Variants in AKAP13 observed in about 807,000 individuals in gnomAD.
AKAP13 encodes A-kinase anchoring protein 13, also known as A-kinase anchor protein 13.
Under a neutral mutation model 264.5 loss-of-function variants are expected in AKAP13, and 80 were observed. The observed-to-expected ratio is 0.30, with a 90% CI of 0.25 to 0.36. The LOEUF (loss-of-function observed/expected upper bound fraction) is 0.36. Ranked by LOEUF, AKAP13 falls within the 10% of genes least tolerant of loss-of-function variation. AKAP13 has a pLI of 1.00. For missense variants in AKAP13, 3,712 were observed against 3,435.2 expected, an observed-to-expected ratio of 1.08 and a Z score of -2.01; for synonymous variants, 1,380 against 1,250.2, an observed-to-expected ratio of 1.10 and a Z score of -2.19.
chr15:85,619,331 A>G (rs527994571), intron 8 of AKAP13: 2 of 976,766 alleles, frequency 2.0e-6, no homozygotes, highest in African/African-American at 3.5e-5. Flanking sequence ...AAAAGGGAGG[A>G]GGAGGCTGGC....
At chr15:85,530,066 A>G (rs1429817219) in intron 3 of AKAP13, among the ~76,000 whole-genome samples, 1 of 152,178 alleles carries the variant, frequency 6.6e-6, no homozygotes, top group Non-Finnish European at 1.5e-5. Context: ...AGTTATACAC[A>G]GAGCTGACAG....
intron 3 of AKAP13, among the ~76,000 whole-genome samples, chr15:85,527,177 A>C (rs944495821): frequency 5.3e-5 from 8 of 152,004 alleles, no homozygotes; most frequent in Admixed American, 2.0e-4. Context: ...GTTAGCCAGG[A>C]TGGTCTTGAT....
intron 33 of AKAP13, among the ~76,000 whole-genome samples, chr15:85,739,193 G>A (rs927826018): frequency 5.3e-5 from 8 of 152,152 alleles, no homozygotes; most frequent in South Asian, 2.1e-4. Flanking sequence ...ATTATTTCCC[G>A]AGTATGCCAA....
In AKAP13 at chr15:85,717,412, A is replaced by G; in HGVS notation, c.5848+10A>G. 1.3e-6 allele frequency: 2 copies of G among 1,583,140 alleles called. No individual in the cohort carries two copies. Among genetic ancestry groups the G allele is most frequent in the Middle Eastern group, 1.7e-4 (1 of 5,984 alleles). On this transcript the variant is annotated intron_variant, in intron 21 of 36. Transcript: ENST00000394518. ...TCACTTACTGATGAGGGTAAGAGGA[A>G]GTTATGGCCTTTATTTTATGCCTCT... is the stretch of plus-strand genomic sequence containing the variant.
intron 2 of AKAP13, among the ~76,000 whole-genome samples, chr15:85,510,450 GTAA>G (rs1204395401): frequency 1.3e-5 from 2 of 152,070 alleles, no homozygotes; most frequent in African/African-American, 2.4e-5. Flanking sequence ...AATTATTGAA[GTAA>G]TAATAAAAGG....
intron 10 of AKAP13, among the ~76,000 whole-genome samples, chr15:85,646,265 A>C (rs1251997892): frequency 6.6e-6 from 1 of 152,150 alleles, no homozygotes; most frequent in Non-Finnish European, 1.5e-5. Context: ...CCTTGAGGTC[A>C]GGAGTTCGAG....
At chr15:85,670,365 G>A (rs62022915) in intron 14 of AKAP13, among the ~76,000 whole-genome samples, 24,253 of 151,320 alleles carry the variant, frequency 0.16, 2,271 homozygotes, top group Non-Finnish European at 0.22. Flanking sequence ...TATTACCATA[G>A]TATATGGGTA....
At chr15:85,545,681 C>T (rs1417874315) in intron 5 of AKAP13, among the ~76,000 whole-genome samples, 1 of 152,056 alleles carries the variant, frequency 6.6e-6, no homozygotes, top group Non-Finnish European at 1.5e-5. Context: ...AGTTCTGAGT[C>T]ATAATTAGCG....
At chr15:85,516,045 G>A (rs1215427089) in intron 2 of AKAP13, among the ~76,000 whole-genome samples, 1 of 152,156 alleles carries the variant, frequency 6.6e-6, no homozygotes, top group African/African-American at 2.4e-5. Flanking sequence ...AGCACATGGT[G>A]TATTAAAATT....
chr15:85,403,287 A>G (rs1474997807), intron 1 of AKAP13, among the ~76,000 whole-genome samples: 2 of 152,232 alleles, frequency 1.3e-5, no homozygotes, highest in African/African-American at 2.4e-5. Flanking sequence ...GTGTGGTGCT[A>G]ACTTTGATGC....
intron 8 of AKAP13, among the ~76,000 whole-genome samples, chr15:85,600,897 A>G (rs891577114): frequency 6.6e-6 from 1 of 152,196 alleles, no homozygotes. Context: ...TCTTACAATT[A>G]TTGGAACATT....
At chr15:85,684,259 C>A (rs2084772669) in intron 15 of AKAP13, among the ~76,000 whole-genome samples, 1 of 152,020 alleles carries the variant, frequency 6.6e-6, no homozygotes, top group African/African-American at 2.4e-5. Context: ...CACTGAAAAT[C>A]CATAATTAAA....
chr15:85,539,141 A>AT (rs1207135130), intron 4 of AKAP13, among the ~76,000 whole-genome samples: 1 of 151,972 alleles, frequency 6.6e-6, no homozygotes, highest in Admixed American at 6.6e-5. Context: ...GTGTTTGTGT[A>AT]TTTTTTCAGC....
At chr15:85,596,987 T>C (rs976482519) in intron 8 of AKAP13, among the ~76,000 whole-genome samples, 2 of 152,182 alleles carry the variant, frequency 1.3e-5, no homozygotes, top group Non-Finnish European at 2.9e-5. Flanking sequence ...ATTTTATTGC[T>C]TGGAATCCCC....
rs574112937 is a variant in AKAP13, at chr15:85,735,446, G to A, written c.7442-114G>A. The A allele has an allele frequency of 2.7e-5, 30 of 1,092,928 alleles. No individual in the cohort carries two copies. In the African/African-American group the frequency reaches 4.3e-4, roughly 16 times the overall value. The allele number at this position is 1,092,928 out of a possible 1,614,324, so 67.7% of individuals were successfully genotyped here. ...CCACCAAGCAGCTCCCCCTTTTTGG[G>A]GGCATCAGTAGGTTTCAGACATACT... is the stretch of plus-strand genomic sequence containing the variant. On this transcript the variant is annotated intron_variant, in intron 31 of 36. Coordinates refer to ENST00000394518, the MANE Select transcript of AKAP13 (RefSeq NM_007200.5).
intron 17 of AKAP13, among the ~76,000 whole-genome samples, chr15:85,700,657 G>A (rs984415488): frequency 2.0e-5 from 3 of 152,166 alleles, no homozygotes; most frequent in Non-Finnish European, 1.5e-5. Context: ...TTCTGAATTT[G>A]TGTATATTTA....
intron 1 of AKAP13, among the ~76,000 whole-genome samples, chr15:85,429,456 T>A (rs2072934976): frequency 6.6e-6 from 1 of 152,204 alleles, no homozygotes; most frequent in African/African-American, 2.4e-5. Flanking sequence ...TAATTTTCTG[T>A]ATTAGTTGAA....
At chr15:85,715,025 C>T (rs2086847457) in intron 19 of AKAP13, among the ~76,000 whole-genome samples, 1 of 152,144 alleles carries the variant, frequency 6.6e-6, no homozygotes, top group Admixed American at 6.5e-5. Flanking sequence ...ATATGTAATA[C>T]TCCCACAGGA....
chr15:85,575,223 T>A lies in AKAP13; in HGVS notation c.755T>A (p.Ile252Asn). Residue 252 changes from isoleucine to asparagine, a missense_variant, in exon 6 of 37, where the codon ATC becomes AAC. Coordinates refer to ENST00000394518, the MANE Select transcript of AKAP13 (RefSeq NM_007200.5). The stretch of plus-strand genomic sequence containing the variant: ...GTGAGGCATCATCGAGAGTTGGACA[T>A]CTATACATTAACCTCTGAGTCTGAT... ...CSVRHHRELD[I>N]YTLTSESDSH... 1 of 1,614,174 alleles carries A rather than the reference T, an allele frequency of 6.2e-7. No homozygotes were observed. Among genetic ancestry groups the A allele is most frequent in the Non-Finnish European group, 8.5e-7 (1 of 1,180,020 alleles).
Sources: allele counts gnomAD v4.1 joint callset (sites outside exome capture counted in the v4.1 genomes callset), GRCh38; gene constraint gnomAD v4.1.1; transcripts MANE v1.5; gene names NCBI Gene and HGNC (gene_info 2026-07-23, HGNC 2026-07-21).